The following ALK variants were observed in gnomAD, a reference collection of about 807,000 sequenced individuals.
ALK encodes ALK tyrosine kinase receptor.
A neutral mutation model predicts 163.1 loss-of-function variants in ALK; 74 were observed. That is an observed-to-expected ratio of 0.45 (90% CI 0.38 to 0.55). ALK has a LOEUF of 0.55. Among genes scored for constraint, ALK ranks in the 20% least tolerant of loss-of-function variants. ALK has a pLI of 0.00. For missense variants in ALK, 2,063 were observed against 2,105.3 expected (o/e 0.98, Z 0.39); for synonymous variants, 960 against 843.2 (o/e 1.14, Z -2.40).
intron 1 of ALK, among the ~76,000 whole-genome samples, chr2:29,771,570 T>G (rs2148344496): frequency 6.6e-6 from 1 of 151,904 alleles, no homozygotes; most frequent in Non-Finnish European, 1.5e-5. Context: ...AGTCTCACTC[T>G]GTCGCCCAGG....
At chr2:29,404,796 G>A (rs1669540765) in intron 4 of ALK, among the ~76,000 whole-genome samples, 1 of 152,180 alleles carries the variant, frequency 6.6e-6, no homozygotes, top group Admixed American at 6.5e-5. Flanking sequence ...AGTGCAGCAT[G>A]GGACAGGATG....
intron 1 of ALK, among the ~76,000 whole-genome samples, chr2:29,718,604 C>T (rs556891086): frequency 3.9e-5 from 6 of 152,290 alleles, no homozygotes; most frequent in East Asian, 1.9e-4. Flanking sequence ...GTAGCTTCCC[C>T]GGAACAGACG....
In ALK at chr2:29,204,641, G is replaced by A. The variant is rs562044346; in HGVS notation, c.3938+2530C>T. Among the ~76,000 whole-genome samples, 28 of 152,264 alleles carry A rather than the reference G, an allele frequency of 1.8e-4. No individual in the cohort carries two copies. The East Asian group carries it at 4.8e-3, about 26-fold the overall frequency. ...TTTCGCTCTTGTCACCCAGGCTGGA[G>A]TGCAGTTGCACAATCTCAGCTCACT... is the stretch of plus-strand genomic sequence containing the variant. On this transcript the variant is annotated intron_variant, in intron 26 of 28. Coordinates refer to ENST00000389048, the MANE Select transcript of ALK (RefSeq NM_004304.5).
intron 3 of ALK, among the ~76,000 whole-genome samples, chr2:29,563,939 T>A (rs994102268): frequency 3.9e-5 from 6 of 152,332 alleles, no homozygotes; most frequent in African/African-American, 1.2e-4. Flanking sequence ...CCCAAACATT[T>A]GTGGTCACCT....
chr2:29,696,235 G>A (rs577434169), intron 2 of ALK, among the ~76,000 whole-genome samples: 2 of 152,150 alleles, frequency 1.3e-5, no homozygotes, highest in Admixed American at 1.3e-4. Context: ...TCTTTTGCAC[G>A]GACATAGATG....
At chr2:29,471,376 C>G (rs973066981) in intron 4 of ALK, among the ~76,000 whole-genome samples, 2 of 152,072 alleles carry the variant, frequency 1.3e-5, no homozygotes, top group Non-Finnish European at 2.9e-5. Context: ...AGCATAGATG[C>G]AAAAGTTCTA....
At chr2:29,341,240 G>C (rs534379437) in intron 5 of ALK, among the ~76,000 whole-genome samples, 2 of 152,198 alleles carry the variant, frequency 1.3e-5, no homozygotes, top group South Asian at 4.1e-4. Context: ...CATGTAGAAG[G>C]CTCCTTGTAG....
chr2:29,671,176 G>T (rs959099566), intron 3 of ALK, among the ~76,000 whole-genome samples: 2 of 151,856 alleles, frequency 1.3e-5, no homozygotes, highest in Admixed American at 1.3e-4. Flanking sequence ...TTACCTATAG[G>T]TTGCTGCCTC....
intron 1 of ALK, among the ~76,000 whole-genome samples, chr2:29,782,514 T>G (rs573650431): frequency 1.3e-5 from 2 of 152,290 alleles, no homozygotes; most frequent in African/African-American, 4.8e-5. Flanking sequence ...CCCTCTCCTG[T>G]GCCTGGCCAG....
rs141531355 is a variant in ALK at position 29,220,690 on chromosome 2, A to T, written c.3645+16T>A. On this transcript the variant is annotated intron_variant, in intron 23 of 28. Coordinates refer to ENST00000389048, the MANE Select transcript of ALK (RefSeq NM_004304.5). ...CCTTGGCACAACAACTGCAGCAAAG[A>T]CTGGTTCTCACTCACCGGGCGAGGG... The T allele has an allele frequency of 3.4e-5, 55 of 1,613,170 alleles. No homozygotes were observed. In the African/African-American group the frequency reaches 7.1e-4, roughly 21 times the overall value.
rs549962363 is a variant in ALK at position 29,829,124 on chromosome 2, A to T, written c.667+90869T>A. ...GGTGGAAATTGAACAATAAGAACACATGGACACAGGAAGGGGAACATCATA... is the reference window on the plus strand; with the variant it reads ...GGTGGAAATTGAACAATAAGAACACTTGGACACAGGAAGGGGAACATCATA... On this transcript the variant is annotated intron_variant, in intron 1 of 28. Coordinates refer to ENST00000389048, the MANE Select transcript of ALK (RefSeq NM_004304.5). 9.1e-5 allele frequency among the ~76,000 whole-genome samples: 12 copies of T among 131,688 alleles called. No homozygotes were observed. In the East Asian group the frequency reaches 2.9e-3, roughly 32 times the overall value. The allele number at this position is 131,688 out of a possible 152,430, so 86.4% of individuals were successfully genotyped here.
chr2:29,722,613 T>C lies in ALK; in HGVS notation c.668-4916A>G, dbSNP rs563365258. Among the ~76,000 whole-genome samples, 32 of 152,354 alleles carry C rather than the reference T, an allele frequency of 2.1e-4. No homozygotes were observed. In the East Asian group the frequency reaches 6.0e-3, roughly 28 times the overall value. ...TAAAAGTTGAAGAACTTGGGAATTT[T>C]CTGCATCTAAACTCTCTCTCAAAGT... On this transcript the variant is annotated intron_variant, in intron 1 of 28. Transcript: ENST00000389048.
chr2:29,498,475 G>A (rs1672087696), intron 4 of ALK, among the ~76,000 whole-genome samples: 2 of 152,050 alleles, frequency 1.3e-5, no homozygotes, highest in Non-Finnish European at 2.9e-5. Context: ...GACCTCATCC[G>A]TAAAATGGGA....
chr2:29,775,153 A>G (rs1035830488), intron 1 of ALK, among the ~76,000 whole-genome samples: 1 of 152,204 alleles, frequency 6.6e-6, no homozygotes, highest in African/African-American at 2.4e-5. Flanking sequence ...TTGACTGACT[A>G]AAAGATAAAC....
At chr2:29,723,141 GC>G (rs1296542867) in intron 1 of ALK, among the ~76,000 whole-genome samples, 1 of 152,182 alleles carries the variant, frequency 6.6e-6, no homozygotes, top group East Asian at 1.9e-4. Flanking sequence ...GCCCCTAAAG[GC>G]CCCACAGGAT....
intron 9 of ALK, among the ~76,000 whole-genome samples, chr2:29,276,425 G>C (rs1665548708): frequency 6.6e-6 from 1 of 152,198 alleles, no homozygotes; most frequent in Admixed American, 6.5e-5. Context: ...TCATCCCATG[G>C]AAGGCTAGCA....
intron 5 of ALK, among the ~76,000 whole-genome samples, chr2:29,364,245 T>C (rs1202236497): frequency 6.6e-6 from 1 of 152,176 alleles, no homozygotes; most frequent in Non-Finnish European, 1.5e-5. Context: ...GCTTGGGTCA[T>C]GATAACACCT....
At chr2:29,549,460 A>G (rs1445159904) in intron 3 of ALK, among the ~76,000 whole-genome samples, 1 of 152,160 alleles carries the variant, frequency 6.6e-6, no homozygotes, top group African/African-American at 2.4e-5. Flanking sequence ...TGCTATCCCC[A>G]GTTGTAGTTG....
At chr2:29,201,487 C>A (rs1669177558) in intron 26 of ALK, among the ~76,000 whole-genome samples, 2 of 152,088 alleles carry the variant, frequency 1.3e-5, no homozygotes, top group African/African-American at 4.8e-5. Flanking sequence ...GTTAACTCTA[C>A]ATTCAAGATA....
Sources: allele counts gnomAD v4.1 joint callset (sites outside exome capture counted in the v4.1 genomes callset), GRCh38; gene constraint gnomAD v4.1.1; transcripts MANE v1.5; gene names NCBI Gene and HGNC (gene_info 2026-07-23, HGNC 2026-07-21).